WWOX: variants seen among roughly 807,000 people sequenced by gnomAD.
The protein encoded by WWOX is WW domain-containing oxidoreductase.
Under a neutral mutation model 46.2 loss-of-function variants are expected in WWOX, and 69 were observed. The observed-to-expected ratio is 1.49, with a 90% CI of 1.23 to 1.82. The LOEUF is 1.82. Among genes scored for constraint, WWOX ranks in the 40% most tolerant of loss-of-function variants. The pLI, the probability that WWOX is intolerant of heterozygous loss-of-function variation, is 0.00. For synonymous variants in WWOX, 359 were observed against 202.6 expected, an observed-to-expected ratio of 1.77 and a Z score of -6.56; for missense variants, 919 against 542.6, an observed-to-expected ratio of 1.69 and a Z score of -6.89.
At chr16:78,180,963 A>G (rs2035514396) in intron 5 of WWOX, among the ~76,000 whole-genome samples, 1 of 152,202 alleles carries the variant, frequency 6.6e-6, no homozygotes, top group African/African-American at 2.4e-5. Context: ...TTTTGGAGGT[A>G]AGTATAAAAA....
At chr16:78,186,789 T>C (rs978127076) in intron 5 of WWOX, among the ~76,000 whole-genome samples, 1 of 152,138 alleles carries the variant, frequency 6.6e-6, no homozygotes, top group Non-Finnish European at 1.5e-5. Context: ...TAAAAAGCTT[T>C]GTTTTAAAAT....
chr16:78,110,087 A>C (rs2032402671), intron 3 of WWOX, among the ~76,000 whole-genome samples: 1 of 151,902 alleles, frequency 6.6e-6, no homozygotes, highest in African/African-American at 2.4e-5. Context: ...CATGCCTGTA[A>C]TCCCAGCACT....
chr16:78,323,140 C>T (rs982921847), intron 5 of WWOX, among the ~76,000 whole-genome samples: 3 of 152,082 alleles, frequency 2.0e-5, no homozygotes, highest in African/African-American at 4.8e-5. Flanking sequence ...CGGAGTCTTG[C>T]TCTGTTGCCC....
At chr16:78,105,104 A>G (rs759515890) in intron 1 of WWOX, among the ~76,000 whole-genome samples, 1 of 152,178 alleles carries the variant, frequency 6.6e-6, no homozygotes, top group Non-Finnish European at 1.5e-5. Context: ...TGCCACAGCT[A>G]TGGGACTGGG....
At chr16:78,360,409 A>G (rs2081384255) in intron 5 of WWOX, among the ~76,000 whole-genome samples, 1 of 151,990 alleles carries the variant, frequency 6.6e-6, no homozygotes, top group South Asian at 2.1e-4. Context: ...AAATAGTGAA[A>G]TCCTGTCTCT....
At chr16:78,331,870 C>T (rs1330081221) in intron 5 of WWOX, among the ~76,000 whole-genome samples, 1 of 152,074 alleles carries the variant, frequency 6.6e-6, no homozygotes, top group African/African-American at 2.4e-5. Context: ...CAAATTATTC[C>T]CCCCTTTACA....
intron 8 of WWOX, among the ~76,000 whole-genome samples, chr16:78,991,630 C>T (rs1251751953): frequency 1.5e-5 from 2 of 135,062 alleles, no homozygotes; most frequent in Non-Finnish European, 3.2e-5. Flanking sequence ...GATTCTCCAC[C>T]TACCAGTGGT....
intron 8 of WWOX, among the ~76,000 whole-genome samples, chr16:78,847,581 G>T (rs966154917): frequency 6.6e-6 from 1 of 151,784 alleles, no homozygotes; most frequent in Non-Finnish European, 1.5e-5. Flanking sequence ...CGATTCTCCC[G>T]CCTCAGCTTC....
At chr16:78,533,347 CT>C (rs1280034139) in intron 8 of WWOX, among the ~76,000 whole-genome samples, 1 of 151,946 alleles carries the variant, frequency 6.6e-6, no homozygotes, top group African/African-American at 2.4e-5. Context: ...TTTGGCTTCC[CT>C]GGGCCACATT....
At chr16:78,775,107 C>G (rs1021509031) in intron 8 of WWOX, among the ~76,000 whole-genome samples, 1 of 152,164 alleles carries the variant, frequency 6.6e-6, no homozygotes, top group African/African-American at 2.4e-5. Flanking sequence ...CCAACTCACT[C>G]CATCAAATGT....
intron 6 of WWOX, among the ~76,000 whole-genome samples, chr16:78,418,481 AG>A (rs1567560602): frequency 2.0e-5 from 3 of 152,212 alleles, no homozygotes; most frequent in Admixed American, 2.0e-4. Context: ...CTGACAACAG[AG>A]GCAGACAAAG....
At chr16:78,529,984 G>A (rs1021340315) in intron 8 of WWOX, among the ~76,000 whole-genome samples, 1 of 152,182 alleles carries the variant, frequency 6.6e-6, no homozygotes, top group African/African-American at 2.4e-5. Context: ...GGCAGGAAGT[G>A]GAGTGCGGAT....
intron 8 of WWOX, among the ~76,000 whole-genome samples, chr16:78,592,110 C>T (rs1323945998): frequency 2.0e-5 from 3 of 152,118 alleles, no homozygotes; most frequent in Admixed American, 6.5e-5. Flanking sequence ...ATATCCATTT[C>T]GTATTACAAT....
At chr16:78,225,606 G>A (rs569183551) in intron 5 of WWOX, among the ~76,000 whole-genome samples, 1 of 152,070 alleles carries the variant, frequency 6.6e-6, no homozygotes, top group African/African-American at 2.4e-5. Flanking sequence ...TAAATTCATT[G>A]AGGATTTGTT....
chr16:78,369,354 A>G (rs1346578006), intron 5 of WWOX, among the ~76,000 whole-genome samples: 10 of 152,176 alleles, frequency 6.6e-5, no homozygotes. Context: ...AACGTGGAAA[A>G]AAAAAGACTC....
intron 8 of WWOX, among the ~76,000 whole-genome samples, chr16:78,774,974 A>C (rs969175968): frequency 7.2e-5 from 11 of 152,150 alleles, no homozygotes; most frequent in African/African-American, 2.7e-4. Context: ...GTATGCTCGA[A>C]GAGGGGCTGC....
chr16:78,312,187 C>G (rs1341214349), intron 5 of WWOX, among the ~76,000 whole-genome samples: 1 of 152,170 alleles, frequency 6.6e-6, no homozygotes, highest in African/African-American at 2.4e-5. Flanking sequence ...AGCTGACTAG[C>G]AAACCTAATT....
chr16:78,452,794 A>T (rs191209726), intron 8 of WWOX, among the ~76,000 whole-genome samples: 45 of 150,348 alleles, frequency 3.0e-4, no homozygotes, highest in Middle Eastern at 6.9e-3. Context: ...ATACGTATTT[A>T]TGTCTTTCGA....
chr16:79,006,216 G>C (rs753550546), intron 8 of WWOX, among the ~76,000 whole-genome samples: 1 of 152,180 alleles, frequency 6.6e-6, no homozygotes, highest in African/African-American at 2.4e-5. Flanking sequence ...AGACTTCCCA[G>C]TCTTTAAGGA....
Sources: allele counts gnomAD v4.1 joint callset (sites outside exome capture counted in the v4.1 genomes callset), GRCh38; gene constraint gnomAD v4.1.1; transcripts MANE v1.5; gene names NCBI Gene and HGNC (gene_info 2026-07-23, HGNC 2026-07-21).